LYSMD2: variants seen among roughly 807,000 people sequenced by gnomAD.
LYSMD2 encodes LysM domain containing 2.
Under a neutral mutation model 17.7 loss-of-function variants are expected in LYSMD2, and 6 were observed. The observed-to-expected ratio is 0.34, with a 90% CI of 0.19 to 0.67. The LOEUF is 0.67. Ranked by LOEUF, LYSMD2 falls within the 30% of genes least tolerant of loss-of-function variation. The pLI, the probability that LYSMD2 is intolerant of heterozygous loss-of-function variation, is 0.69. For synonymous variants in LYSMD2, 102 were observed against 129.8 expected (o/e 0.79, Z 1.45); for missense variants, 237 against 286.7 (o/e 0.83, Z 1.25).
intron 1 of LYSMD2, among the ~76,000 whole-genome samples, chr15:51,747,723 A>C (rs1302017901): frequency 1.3e-5 from 2 of 152,132 alleles, no homozygotes; most frequent in African/African-American, 4.8e-5. Flanking sequence ...TGTCATGTAG[A>C]GCTTCCTATA....
upstream of LYSMD2, among the ~76,000 whole-genome samples, chr15:51,741,402 G>T (rs1195213474): frequency 2.0e-5 from 3 of 152,190 alleles, no homozygotes. Context: ...AAACATTAAT[G>T]CTTTTGCAAC....
upstream of LYSMD2, among the ~76,000 whole-genome samples, chr15:51,740,833 G>C (rs965167183): frequency 2.6e-5 from 4 of 151,816 alleles, no homozygotes; most frequent in Non-Finnish European, 5.9e-5. Flanking sequence ...AAAAATAAAA[G>C]AAAGAAAGAA....
upstream of LYSMD2, chr15:51,738,159 C>G (rs1265519574): frequency 7.5e-6 from 1 of 133,434 alleles, no homozygotes; most frequent in Non-Finnish European, 1.6e-5. Flanking sequence ...CCAGTGACCT[C>G]AAAGTCCACG....
chr15:51,739,647 A>G (rs1179274770), upstream of LYSMD2, among the ~76,000 whole-genome samples: 1 of 152,224 alleles, frequency 6.6e-6, no homozygotes. Context: ...TCTGAAGATT[A>G]AAGAACTGAG....
chr15:51,737,858 A>G (rs1352152361), upstream of LYSMD2: 3 of 290,746 alleles, frequency 1.0e-5, no homozygotes, highest in Non-Finnish European at 1.9e-5. The surrounding 1 kb of genome is among the most constrained non-coding windows in gnomAD (Gnocchi z 4.2). Context: ...TTAAGAGCGA[A>G]AGCAGCTCCC....
rs72730964 is a variant in LYSMD2, at chr15:51,737,006, A to T, written c.273+344T>A. Among the ~76,000 whole-genome samples the T allele has an allele frequency of 3.2e-4, 48 of 152,332 alleles. No individual in the cohort carries two copies. The highest frequency in any genetic ancestry group is 6.0e-4 in the Non-Finnish European group (41 of 68,026). ...CCTGCAAATTGGGTGAAGGTGGTTCACGGGGATGCCAAAGCCCTAGTCCTC... is the reference window on the plus strand; with the variant it reads ...CCTGCAAATTGGGTGAAGGTGGTTCTCGGGGATGCCAAAGCCCTAGTCCTC... On this transcript the variant is annotated intron_variant, in intron 1 of 2. Transcript: ENST00000267838. The surrounding 1 kb of genome is among the most constrained non-coding windows in gnomAD (Gnocchi z 4.2).
At chr15:51,728,459 G>A (rs1266465743) in intron 1 of LYSMD2, among the ~76,000 whole-genome samples, 1 of 151,400 alleles carries the variant, frequency 6.6e-6, no homozygotes, top group African/African-American at 2.4e-5. Context: ...GTACTCAAAG[G>A]TGTCAGCAAT....
chr15:51,746,469 G>C (rs2055667876), intron 1 of LYSMD2, among the ~76,000 whole-genome samples: 1 of 152,230 alleles, frequency 6.6e-6, no homozygotes, highest in African/African-American at 2.4e-5. Context: ...AATGAGGAAT[G>C]AGTGCTAACA....
chr15:51,729,893 C>T (rs1419882408), intron 1 of LYSMD2, among the ~76,000 whole-genome samples: 1 of 152,216 alleles, frequency 6.6e-6, no homozygotes, highest in Non-Finnish European at 1.5e-5. Flanking sequence ...TTCCCACCTA[C>T]CCTCTGTTCA....
At chr15:51,734,154 G>T (rs2055594508) in intron 1 of LYSMD2, among the ~76,000 whole-genome samples, 1 of 152,176 alleles carries the variant, frequency 6.6e-6, no homozygotes, top group Non-Finnish European at 1.5e-5. Context: ...CTGCACTCCA[G>T]CCAGGGTGAC....
intron 1 of LYSMD2, among the ~76,000 whole-genome samples, chr15:51,744,933 T>C (rs919072674): frequency 6.6e-6 from 1 of 152,086 alleles, no homozygotes; most frequent in African/African-American, 2.4e-5. Context: ...AAAAAGGGGA[T>C]ATTACTACTG....
At chr15:51,749,950 A>T (rs559446415) in intron 1 of LYSMD2, among the ~76,000 whole-genome samples, 3 of 152,360 alleles carry the variant, frequency 2.0e-5, no homozygotes, top group Admixed American at 1.3e-4. Context: ...ACAATTGATC[A>T]TAGAAACAAC....
In LYSMD2 at chr15:51,725,048, G is replaced by A; in HGVS notation, c.347C>T (p.Pro116Leu). The A allele has an allele frequency of 6.2e-7, 1 of 1,613,320 alleles. No individual in the cohort carries two copies. Among genetic ancestry groups the A allele is most frequent in the Non-Finnish European group, 8.5e-7 (1 of 1,179,368 alleles). ...CIFLKKTLNIPVISEKPLLFN... is the reference protein window; with the variant it reads ...CIFLKKTLNILVISEKPLLFN... ...CAACAAAGGCTTCTCTGATATAACT[G>A]GGATGTTCAAAGTTTTCTTCAGAAA... Residue 116 changes from proline to leucine, a missense_variant, in exon 2 of 3, where the codon CCA becomes CTA. Pro to Leu is a moderately conservative substitution (Grantham distance 98, BLOSUM62 -3). Transcript: ENST00000267838.
chr15:51,730,849 A>C (rs2055571875), intron 1 of LYSMD2, among the ~76,000 whole-genome samples: 1 of 152,230 alleles, frequency 6.6e-6, no homozygotes, highest in Non-Finnish European at 1.5e-5. Flanking sequence ...AACAGACTTC[A>C]ATATTAAATG....
Position 51,723,257 on chromosome 15 carries a change from A to T in LYSMD2, c.*350T>A, listed in dbSNP as rs2055514379. 1 of 192,248 alleles carries T rather than the reference A, an allele frequency of 5.2e-6. No individual in the cohort carries two copies. Among genetic ancestry groups the T allele is most frequent in the Non-Finnish European group, 1.1e-5 (1 of 92,226 alleles). The allele number at this position is 192,248 out of a possible 1,614,324, so 11.9% of individuals were successfully genotyped here. Reference sequence around the variant, plus strand: ...ACAGCAACCATATTTTCACATAATCAGGATTGCATAAGGAGATAAACATTA... The same window carrying T: ...ACAGCAACCATATTTTCACATAATCTGGATTGCATAAGGAGATAAACATTA... On this transcript the variant is annotated 3_prime_UTR_variant, in exon 3 of 3. Transcript: ENST00000267838.
At chr15:51,730,175 A>G (rs1023803184) in intron 1 of LYSMD2, among the ~76,000 whole-genome samples, 2 of 152,218 alleles carry the variant, frequency 1.3e-5, no homozygotes, top group African/African-American at 2.4e-5. Context: ...GAAATTAGGT[A>G]GAACAACTGC....
At chr15:51,724,563 C>A (rs778293228) in intron 2 of LYSMD2, among the ~76,000 whole-genome samples, 4 of 147,520 alleles carry the variant, frequency 2.7e-5, no homozygotes, top group African/African-American at 7.5e-5. Flanking sequence ...ACTAAAAATG[C>A]CTTTCTAGAA....
At position 51,737,201 on chromosome 15, in the gene LYSMD2, A is replaced by G; in HGVS notation, c.273+149T>C. On this transcript the variant is annotated intron_variant, in intron 1 of 2. Transcript: ENST00000267838. This position sits in a 1 kb window ranked among gnomAD's most constrained non-coding sequence, Gnocchi z 4.2. Reference sequence around the variant, plus strand: ...CGCGCTGAGCGAGCCCTGGGAGCCGAGCCGCCCGGGGACGCACGGCCGTCC... The same window carrying G: ...CGCGCTGAGCGAGCCCTGGGAGCCGGGCCGCCCGGGGACGCACGGCCGTCC... The G allele has an allele frequency of 2.5e-6, 2 of 806,632 alleles. No homozygotes were observed. The highest frequency in any genetic ancestry group is 3.4e-6 in the Non-Finnish European group (2 of 595,406). 50.0% of individuals were successfully genotyped at this position (806,632 alleles called of 1,614,324 possible).
upstream of LYSMD2, among the ~76,000 whole-genome samples, chr15:51,739,685 T>C (rs761265165): frequency 6.6e-6 from 1 of 152,238 alleles, no homozygotes; most frequent in South Asian, 2.1e-4. Context: ...TTCCAGCACT[T>C]TGGGAGTCTA....
Sources: allele counts gnomAD v4.1 joint callset (sites outside exome capture counted in the v4.1 genomes callset), GRCh38; gene constraint gnomAD v4.1.1; non-coding constraint Gnocchi (gnomAD v3.1); transcripts MANE v1.5; gene names NCBI Gene and HGNC (gene_info 2026-07-23, HGNC 2026-07-21).